Variants in UBE2E3 observed in about 807,000 individuals in gnomAD.
UBE2E3 encodes ubiquitin conjugating enzyme E2 E3.
In UBE2E3, 5 loss-of-function variants were observed where a neutral mutation model predicts 23.6. The observed-to-expected ratio is 0.21, with a 90% confidence interval of 0.11 to 0.44. The LOEUF is 0.44. Ranked by LOEUF, UBE2E3 falls within the 20% of genes least tolerant of loss-of-function variation. UBE2E3 has a pLI of 0.99. For missense variants in UBE2E3, 81 were observed against 249.8 expected, an observed-to-expected ratio of 0.32 and a Z score of 4.55; for synonymous variants, 78 against 87.5, an observed-to-expected ratio of 0.89 and a Z score of 0.60.
At chr2:181,056,941 C>T (rs1203513026) in intron 3 of UBE2E3, among the ~76,000 whole-genome samples, 1 of 151,730 alleles carries the variant, frequency 6.6e-6, no homozygotes, top group Non-Finnish European at 1.5e-5. Context: ...CATACTATTT[C>T]AGCCAGACAC....
At chr2:180,995,654 G>T (rs1464714413) in intron 3 of UBE2E3, among the ~76,000 whole-genome samples, 1 of 151,446 alleles carries the variant, frequency 6.6e-6, no homozygotes, top group Non-Finnish European at 1.5e-5. Context: ...GGATTTCTGT[G>T]GTATAGTTTA....
intron 3 of UBE2E3, among the ~76,000 whole-genome samples, chr2:180,997,609 A>G (rs983963705): frequency 2.6e-5 from 4 of 152,136 alleles, no homozygotes; most frequent in Non-Finnish European, 5.9e-5. Context: ...GATTTCCCTT[A>G]GAATCCTAGT....
chr2:181,043,292 A>G (rs762373201), intron 3 of UBE2E3, among the ~76,000 whole-genome samples: 3 of 152,240 alleles, frequency 2.0e-5, no homozygotes, highest in Non-Finnish European at 4.4e-5. Flanking sequence ...TACTAGTAGC[A>G]TATAAATTCA....
At chr2:181,030,221 T>A (rs575339870) in intron 3 of UBE2E3, among the ~76,000 whole-genome samples, 1 of 152,284 alleles carries the variant, frequency 6.6e-6, no homozygotes, top group East Asian at 1.9e-4. Context: ...TAAATTTTAA[T>A]GAATACTTTA....
chr2:181,029,449 T>G (rs1284068700), intron 3 of UBE2E3, among the ~76,000 whole-genome samples: 1 of 152,168 alleles, frequency 6.6e-6, no homozygotes, highest in Non-Finnish European at 1.5e-5. Flanking sequence ...TATTTAGGAT[T>G]TCTTTAATTC....
Position 180,997,787 on chromosome 2 carries a change from C to T in UBE2E3, c.245+13694C>T, listed in dbSNP as rs148483841. On this transcript the variant is annotated intron_variant, in intron 3 of 5. Coordinates refer to ENST00000410062, the MANE Select transcript of UBE2E3 (RefSeq NM_006357.4). ...TTTCTAGATTCTGCATCTTTGTTTA[C>T]ATCTCTCGTTGCCTAGGATGGCTTT... is the stretch of plus-strand genomic sequence containing the variant. Among the ~76,000 whole-genome samples, 545 of 152,256 alleles carry T rather than the reference C, an allele frequency of 3.6e-3. 5 individuals carry two copies. The highest frequency in any genetic ancestry group is 0.012 in the African/African-American group (512 of 41,558).
chr2:181,035,138 A>G (rs998786574), intron 3 of UBE2E3, among the ~76,000 whole-genome samples: 1 of 152,144 alleles, frequency 6.6e-6, no homozygotes, highest in Non-Finnish European at 1.5e-5. Flanking sequence ...CATTACAGCA[A>G]AATAACTGTT....
At chr2:180,982,717 G>C (rs1043541746) in intron 2 of UBE2E3, among the ~76,000 whole-genome samples, 1 of 152,160 alleles carries the variant, frequency 6.6e-6, no homozygotes, top group Non-Finnish European at 1.5e-5. Context: ...ATTTAAAATT[G>C]TGCTGCAAAT....
intron 2 of UBE2E3, 105 bp downstream of exon 2, chr2:180,982,341 C>G (rs1455153006): frequency 2.0e-6 from 2 of 1,013,160 alleles, no homozygotes; most frequent in East Asian, 4.8e-5. Context: ...GAAATATTTA[C>G]TTCATTATCA....
chr2:181,001,296 G>A (rs1684982867), intron 3 of UBE2E3, among the ~76,000 whole-genome samples: 1 of 152,182 alleles, frequency 6.6e-6, no homozygotes. Context: ...AGGAAAGAGA[G>A]GTGGGAGAGA....
intron 3 of UBE2E3, among the ~76,000 whole-genome samples, chr2:181,021,572 C>CT (rs1357674545): frequency 4.5e-4 from 42 of 94,370 alleles, no homozygotes; most frequent in East Asian, 7.8e-4. Context: ...TCCTTCCTTC[C>CT]TCCCTCCCTC....
chr2:181,033,333 T>C (rs1464316314), intron 3 of UBE2E3, among the ~76,000 whole-genome samples: 1 of 152,106 alleles, frequency 6.6e-6, no homozygotes, highest in African/African-American at 2.4e-5. Flanking sequence ...AAAACGGAGA[T>C]ATAGACCAAT....
At chr2:180,992,907 TTGGAAGAGTGGC>T (rs1293052091) in intron 3 of UBE2E3, among the ~76,000 whole-genome samples, 1 of 152,168 alleles carries the variant, frequency 6.6e-6, no homozygotes, top group Non-Finnish European at 1.5e-5. Context: ...GTGAGTCTCT[TTGGAAGAGTGGC>T]TGCTCCACTT....
chr2:181,059,124 C>G (rs1687062570), intron 4 of UBE2E3, among the ~76,000 whole-genome samples: 1 of 151,676 alleles, frequency 6.6e-6, no homozygotes, highest in South Asian at 2.1e-4. Flanking sequence ...AATATATCAT[C>G]TAATTCTTTA....
Position 180,997,851 on chromosome 2 carries a change from A to C in UBE2E3, c.245+13758A>C, listed in dbSNP as rs200228251. On this transcript the variant is annotated intron_variant, in intron 3 of 5. Coordinates refer to ENST00000410062, the MANE Select transcript of UBE2E3 (RefSeq NM_006357.4). Reference sequence around the variant, plus strand: ...GTAGTGATCTTTTAAAGCCTATTTCAGATGTTACATCTTTTTGTGAAGCCC... The same window carrying C: ...GTAGTGATCTTTTAAAGCCTATTTCCGATGTTACATCTTTTTGTGAAGCCC... Among the ~76,000 whole-genome samples the C allele has an allele frequency of 2.6e-4, 40 of 152,222 alleles. No homozygotes were observed. In the East Asian group the frequency reaches 7.1e-3, roughly 27 times the overall value.
chr2:181,052,917 C>T (rs1686884771), intron 3 of UBE2E3, among the ~76,000 whole-genome samples: 1 of 151,784 alleles, frequency 6.6e-6, no homozygotes, highest in Non-Finnish European at 1.5e-5. Flanking sequence ...CCTTACCTCC[C>T]TTCTATCTGG....
At chr2:180,994,897 A>G (rs1371378294) in intron 3 of UBE2E3, among the ~76,000 whole-genome samples, 2 of 152,196 alleles carry the variant, frequency 1.3e-5, no homozygotes, top group Non-Finnish European at 2.9e-5. Context: ...ACAGTCATTT[A>G]CAGACCACAC....
intron 2 of UBE2E3, among the ~76,000 whole-genome samples, chr2:180,983,317 A>C (rs555473001): frequency 6.6e-6 from 1 of 152,344 alleles, no homozygotes; most frequent in East Asian, 1.9e-4. Flanking sequence ...ATAATTTAAA[A>C]TTCTCAATTT....
intron 3 of UBE2E3, among the ~76,000 whole-genome samples, chr2:181,030,737 A>C (rs958603501): frequency 7.1e-6 from 1 of 141,550 alleles, no homozygotes; most frequent in Non-Finnish European, 1.6e-5. Flanking sequence ...AATTAACTAC[A>C]AGTCCCATCT....
Sources: gnomAD v4.1 joint callset for allele counts (sites outside exome capture counted in the v4.1 genomes callset) on GRCh38, gnomAD v4.1.1 for gene constraint, MANE v1.5 for transcripts, NCBI Gene and HGNC (gene_info 2026-07-23, HGNC 2026-07-21) for gene names.